ACSS3: variants seen among roughly 807,000 people sequenced by gnomAD.
The protein encoded by ACSS3 is acyl-CoA synthetase short-chain family member 3, mitochondrial.
In ACSS3, 64 loss-of-function variants were observed where a neutral mutation model predicts 84.2. That is an observed-to-expected ratio of 0.76 (90% CI 0.62 to 0.94). ACSS3 has a LOEUF of 0.94. Among genes scored for constraint, ACSS3 ranks in the 40% least tolerant of loss-of-function variants. The pLI is 0.00. For synonymous variants in ACSS3, 317 were observed against 310.1 expected (o/e 1.02, Z -0.23); for missense variants, 815 against 867.6 (o/e 0.94, Z 0.76).
Position 81,231,143 on chromosome 12 carries a change from G to C in ACSS3, c.1596+5G>C, listed in dbSNP as rs763745488. ...TTATACTTTGAAAAATTTCCTGTAAGAACTTTAATATGCTTTTTTATCTTC... is the reference window on the plus strand; with the variant it reads ...TTATACTTTGAAAAATTTCCTGTAACAACTTTAATATGCTTTTTTATCTTC... On this transcript the variant is annotated splice_donor_5th_base_variant and intron_variant, in intron 12 of 15. Coordinates refer to ENST00000548058, the MANE Select transcript of ACSS3 (RefSeq NM_024560.4). The C allele has an allele frequency of 2.5e-6, 4 of 1,595,916 alleles. No homozygotes were observed. The highest frequency in any genetic ancestry group is 3.4e-6 in the Non-Finnish European group (4 of 1,166,998).
Position 81,254,841 on chromosome 12 carries a change from C to T in ACSS3, c.1996-16C>T, listed in dbSNP as rs923835524. Reference sequence around the variant, plus strand: ...TTCAAGGAAGAGTATTCACCTGACCCTAATTTTTTTTCCAGATAACTTCTA... The same window carrying T: ...TTCAAGGAAGAGTATTCACCTGACCTTAATTTTTTTTCCAGATAACTTCTA... On this transcript the variant is annotated splice_polypyrimidine_tract_variant and intron_variant, in intron 15 of 15. Transcript: ENST00000548058. The T allele has an allele frequency of 1.3e-6, 2 of 1,597,604 alleles. No individual in the cohort carries two copies. Among genetic ancestry groups the T allele is most frequent in the African/African-American group, 1.3e-5 (1 of 74,124 alleles).
At chr12:81,175,390 G>T (rs952823006) in intron 8 of ACSS3, among the ~76,000 whole-genome samples, 1 of 152,116 alleles carries the variant, frequency 6.6e-6, no homozygotes, top group African/African-American at 2.4e-5. Context: ...GAAGAACAAA[G>T]AGACTTAGGT....
chr12:81,166,947 A>T (rs959177723), intron 7 of ACSS3, among the ~76,000 whole-genome samples: 1 of 152,144 alleles, frequency 6.6e-6, no homozygotes, highest in Non-Finnish European at 1.5e-5. Flanking sequence ...AATAAGAAAA[A>T]CCTTAATTTG....
At chr12:81,202,194 G>A (rs1420610059) in intron 9 of ACSS3, among the ~76,000 whole-genome samples, 2 of 152,078 alleles carry the variant, frequency 1.3e-5, no homozygotes, top group Non-Finnish European at 2.9e-5. Flanking sequence ...CAGGAGAATG[G>A]CATGAACCTG....
intron 5 of ACSS3, among the ~76,000 whole-genome samples, chr12:81,147,979 G>GTGTA (rs1263699256): frequency 6.6e-6 from 1 of 151,256 alleles, no homozygotes. Flanking sequence ...GTTTACATGT[G>GTGTA]TGTATGTGAA....
chr12:81,237,109 C>T (rs920253233), intron 13 of ACSS3, among the ~76,000 whole-genome samples: 7 of 151,386 alleles, frequency 4.6e-5, no homozygotes, highest in African/African-American at 1.7e-4. Flanking sequence ...GGAGCCAGAC[C>T]GCCCTGTGCA....
At position 81,258,528 on chromosome 12, in the gene ACSS3, A is replaced by G. The variant is rs1188677232; in HGVS notation, c.*3606A>G. On this transcript the variant is annotated 3_prime_UTR_variant, in exon 16 of 16. Coordinates refer to ENST00000548058, the MANE Select transcript of ACSS3 (RefSeq NM_024560.4). ...ATATAAACAAAGAATAAACAACAGTAACACCACCAAATAAAGCCACAGGGA... is the reference window on the plus strand; with the variant it reads ...ATATAAACAAAGAATAAACAACAGTGACACCACCAAATAAAGCCACAGGGA... 1 of 152,178 alleles carries G rather than the reference A, an allele frequency of 6.6e-6. No individual in the cohort carries two copies. Among genetic ancestry groups the G allele is most frequent in the Non-Finnish European group, 1.5e-5 (1 of 68,026 alleles). The allele number at this position is 152,178 out of a possible 1,614,324, so 9.4% of individuals were successfully genotyped here.
chr12:81,102,051 A>G (rs1363462732), intron 1 of ACSS3, among the ~76,000 whole-genome samples: 6 of 150,380 alleles, frequency 4.0e-5, no homozygotes, highest in East Asian at 3.9e-4. Flanking sequence ...ACACGCACAC[A>G]CACACACACA....
intron 7 of ACSS3, among the ~76,000 whole-genome samples, chr12:81,167,870 A>T (rs530519929): frequency 6.6e-6 from 1 of 152,314 alleles, no homozygotes; most frequent in East Asian, 1.9e-4. Flanking sequence ...TCAGGCCTGG[A>T]CACAGAGTTG....
At chr12:81,233,534 A>G in intron 13 of ACSS3, 63 bp downstream of exon 13, 1 of 1,571,322 alleles carries the variant, frequency 6.4e-7, no homozygotes, top group Admixed American at 1.8e-5. Context: ...CACTGAAGAC[A>G]ATATTGAGGT....
intron 7 of ACSS3, among the ~76,000 whole-genome samples, chr12:81,170,656 G>T (rs901890696): frequency 4.6e-5 from 7 of 151,984 alleles, no homozygotes; most frequent in Non-Finnish European, 8.8e-5. Flanking sequence ...ATTGCTTTTG[G>T]TGTGTATGTT....
chr12:81,139,001 A>G (rs10492004), intron 3 of ACSS3, 130 bp from the exon 4 acceptor site: 70,552 of 988,220 alleles, frequency 0.071, 3,112 homozygotes, highest in Middle Eastern at 0.11. Flanking sequence ...TTTTCAGACC[A>G]TTCAATAGAA....
chr12:81,180,317 C>T (rs1043806927), intron 8 of ACSS3, among the ~76,000 whole-genome samples: 11 of 152,304 alleles, frequency 7.2e-5, no homozygotes, highest in African/African-American at 1.2e-4. Flanking sequence ...CACCACAACA[C>T]ACAATTTACC....
chr12:81,157,187 C>T (rs1886918392), intron 7 of ACSS3, among the ~76,000 whole-genome samples: 1 of 152,098 alleles, frequency 6.6e-6, no homozygotes, highest in African/African-American at 2.4e-5. Context: ...TCCAGAGGTA[C>T]AAGGCTGCTT....
intron 13 of ACSS3, among the ~76,000 whole-genome samples, chr12:81,238,970 T>C (rs2033709591): frequency 6.6e-6 from 1 of 151,846 alleles, no homozygotes; most frequent in African/African-American, 2.4e-5. Context: ...TAGATCTCTC[T>C]TCTTTTCTAA....
At chr12:81,110,569 G>T (rs74899294) in intron 2 of ACSS3, among the ~76,000 whole-genome samples, 5 of 152,172 alleles carry the variant, frequency 3.3e-5, no homozygotes, top group African/African-American at 7.2e-5. Flanking sequence ...GAGAGGTAAT[G>T]GTGCAAGGCA....
intron 1 of ACSS3, among the ~76,000 whole-genome samples, chr12:81,081,489 T>C (rs1330511649): frequency 6.6e-6 from 1 of 152,200 alleles, no homozygotes; most frequent in Non-Finnish European, 1.5e-5. Flanking sequence ...ACTGCAATCA[T>C]AGTAATTTCT....
chr12:81,151,560 T>C (rs1171376401), intron 5 of ACSS3: 1 of 272,234 alleles, frequency 3.7e-6, no homozygotes, highest in African/African-American at 2.2e-5. Flanking sequence ...TAGAAAAGTT[T>C]GTATTGCATG....
At chr12:81,155,743 T>G (rs10862248) in intron 7 of ACSS3, among the ~76,000 whole-genome samples, 46,251 of 152,096 alleles carry the variant, frequency 0.3, 7,158 homozygotes, top group East Asian at 0.5. Flanking sequence ...CATGTTGACT[T>G]ATGTCCATTC....
Sources: gnomAD v4.1 joint callset for allele counts (sites outside exome capture counted in the v4.1 genomes callset) on GRCh38, gnomAD v4.1.1 for gene constraint, MANE v1.5 for transcripts, NCBI Gene and HGNC (gene_info 2026-07-23, HGNC 2026-07-21) for gene names.